The following LRPPRC variants were observed in gnomAD, a reference collection of about 807,000 sequenced individuals.
The protein encoded by LRPPRC is leucine-rich PPR motif-containing protein, mitochondrial.
Under a neutral mutation model 180.3 loss-of-function variants are expected in LRPPRC, and 120 were observed. The ratio of observed to expected loss-of-function variants is 0.67; its 90% CI spans 0.57 to 0.77. The LOEUF (loss-of-function observed/expected upper bound fraction) is 0.77. LRPPRC is among the 30% of genes least tolerant of loss of function. The pLI, the probability that LRPPRC is intolerant of heterozygous loss-of-function variation, is 0.00. For missense variants in LRPPRC, 2,012 were observed against 1,657.2 expected, an observed-to-expected ratio of 1.21 and a Z score of -3.72; for synonymous variants, 723 against 600.0, an observed-to-expected ratio of 1.21 and a Z score of -3.00.
chr2:43,897,032 T>C lies in LRPPRC; in HGVS notation c.3826-324A>G, dbSNP rs537347670. The stretch of plus-strand genomic sequence containing the variant: ...AGGAAAAAAAGAAACATTATTCCTC[T>C]CCAATTATACTGCCAAGCATTCACA... On this transcript the variant is annotated intron_variant, in intron 34 of 37. Coordinates refer to ENST00000260665, the MANE Select transcript of LRPPRC (RefSeq NM_133259.4). 6.6e-5 allele frequency among the ~76,000 whole-genome samples: 10 copies of C among 152,288 alleles called. No homozygotes were observed. The South Asian group carries it at 1.7e-3, about 25-fold the overall frequency.
In LRPPRC at chr2:43,899,461, C is replaced by G. The variant is rs748820058; in HGVS notation, c.3709+5G>C. ...TGTGTTCTTTAGCACAAACAACTAA[C>G]TTACTCTTTTCAACTGCTGGTTCCA... On this transcript the variant is annotated splice_donor_5th_base_variant and intron_variant, in intron 33 of 37. Transcript: ENST00000260665. 6.2e-7 allele frequency: 1 copy of G among 1,614,180 alleles called. No homozygotes were observed. Among genetic ancestry groups the G allele is most frequent in the African/African-American group, 1.3e-5 (1 of 75,052 alleles).
intron 23 of LRPPRC, among the ~76,000 whole-genome samples, chr2:43,940,601 G>A (rs1209931290): frequency 6.6e-6 from 1 of 152,140 alleles, no homozygotes; most frequent in Non-Finnish European, 1.5e-5. Context: ...AATTAAAGCT[G>A]CTTTGATCAC....
At chr2:43,991,852 G>A (rs898462733) in intron 1 of LRPPRC, among the ~76,000 whole-genome samples, 1 of 152,150 alleles carries the variant, frequency 6.6e-6, no homozygotes, top group Admixed American at 6.5e-5. Flanking sequence ...TCAAGCTCAG[G>A]GTGAATTTGT....
chr2:43,981,866 G>T (rs1179279736), intron 2 of LRPPRC, among the ~76,000 whole-genome samples: 2 of 151,692 alleles, frequency 1.3e-5, no homozygotes, highest in Non-Finnish European at 2.9e-5. Flanking sequence ...TATGTTTAAT[G>T]GCAAAAACTG....
chr2:43,921,786 C>G (rs1322328665), intron 27 of LRPPRC, among the ~76,000 whole-genome samples: 1 of 151,884 alleles, frequency 6.6e-6, no homozygotes, highest in Non-Finnish European at 1.5e-5. Context: ...AAAAGCCATA[C>G]AATATGAAAA....
rs79899418 is a variant in LRPPRC at position 43,901,861 on chromosome 2, T to G, written c.3365-337A>C. On this transcript the variant is annotated intron_variant, in intron 31 of 37. Transcript: ENST00000260665. ...ACAAATAAGAAAGATTTTCTAGAGT[T>G]TCCAAAAATGTGTGACTTCTATCCA... The G allele has an allele frequency of 6.1e-3, 1,483 of 241,336 alleles. 21 individuals carry two copies. The highest frequency in any genetic ancestry group is 0.032 in the African/African-American group (1,376 of 43,426). 14.9% of individuals were successfully genotyped at this position (241,336 alleles called of 1,614,324 possible).
intron 14 of LRPPRC, among the ~76,000 whole-genome samples, chr2:43,951,146 G>A (rs760690169): frequency 6.6e-6 from 1 of 152,186 alleles, no homozygotes. Flanking sequence ...CACCTGGACC[G>A]GGTGATCAAA....
intron 5 of LRPPRC, 41 bp downstream of exon 5, chr2:43,976,953 T>C (rs776253364): frequency 1.3e-6 from 2 of 1,511,024 alleles, no homozygotes; most frequent in African/African-American, 2.7e-5. Flanking sequence ...TTACAAAATG[T>C]ACAAATTTGT....
chr2:43,908,732 G>T (rs1671150504), intron 30 of LRPPRC, among the ~76,000 whole-genome samples: 1 of 152,080 alleles, frequency 6.6e-6, no homozygotes. Flanking sequence ...TCACCAAGTT[G>T]GCCAGGCTGG....
At chr2:43,937,788 G>A (rs1672327965) in intron 23 of LRPPRC, among the ~76,000 whole-genome samples, 1 of 152,106 alleles carries the variant, frequency 6.6e-6, no homozygotes, top group Non-Finnish European at 1.5e-5. Context: ...ATCATCAGGT[G>A]AAAATACCAC....
chr2:43,974,728 G>A lies in LRPPRC; in HGVS notation c.895C>T (p.His299Tyr). Reference sequence around the variant, plus strand: ...TGCAGTAAATCACGGTCCATAAGGTGAAGCTCGGACTTCTCCACCTTCTCC... The same window carrying A: ...TGCAGTAAATCACGGTCCATAAGGTAAAGCTCGGACTTCTCCACCTTCTCC... ...TLEKVEKSEL[H>Y]LMDRDLLQII... is the part of the protein sequence containing the mutation. Residue 299 changes from histidine to tyrosine, a missense_variant, in exon 8 of 38, where the codon CAC becomes TAC. Coordinates refer to ENST00000260665, the MANE Select transcript of LRPPRC (RefSeq NM_133259.4). 1 of 1,613,642 alleles carries A rather than the reference G, an allele frequency of 6.2e-7. No homozygotes were observed.
chr2:43,923,399 G>A (rs1392275162), intron 27 of LRPPRC, among the ~76,000 whole-genome samples: 2 of 152,134 alleles, frequency 1.3e-5, no homozygotes, highest in Admixed American at 6.5e-5. Context: ...GGCTGAGGTG[G>A]GAGGATTTCT....
At chr2:43,945,716 G>A (rs1672656343) in intron 21 of LRPPRC, among the ~76,000 whole-genome samples, 1 of 152,030 alleles carries the variant, frequency 6.6e-6, no homozygotes, top group African/African-American at 2.4e-5. Flanking sequence ...ACGAATACTT[G>A]ACATTTTTAC....
At chr2:43,946,075 T>C (rs566230388) in intron 21 of LRPPRC, 38 bp downstream of exon 21, 6 of 1,601,866 alleles carry the variant, frequency 3.7e-6, no homozygotes, top group Non-Finnish European at 5.1e-6. Flanking sequence ...TAGAGCAGAA[T>C]AAATGTTGAC....
At chr2:43,985,442 A>G (rs150592103) in intron 1 of LRPPRC, among the ~76,000 whole-genome samples, 1 of 152,212 alleles carries the variant, frequency 6.6e-6, no homozygotes, top group East Asian at 1.9e-4. Flanking sequence ...AGTATCATAC[A>G]AAATAATTTC....
chr2:43,969,666 A>G (rs1275974666), intron 11 of LRPPRC, among the ~76,000 whole-genome samples: 1 of 152,050 alleles, frequency 6.6e-6, no homozygotes, highest in East Asian at 1.9e-4. Context: ...TAAAACTACT[A>G]AATAACTGGG....
At chr2:43,995,637 G>T (rs907588094) in intron 1 of LRPPRC, 162 bp downstream of exon 1, 23 of 650,188 alleles carry the variant, frequency 3.5e-5, no homozygotes, top group Non-Finnish European at 5.2e-5. Context: ...CCTGTCACCC[G>T]AAAACCCCTG....
chr2:43,991,032 AT>A (rs35612386), intron 1 of LRPPRC, among the ~76,000 whole-genome samples: 357 of 129,614 alleles, frequency 2.8e-3, no homozygotes, highest in African/African-American at 4.6e-3. Flanking sequence ...AGATACTTTT[AT>A]TTTTTTTTTT....
chr2:43,934,715 G>GA lies in LRPPRC; in HGVS notation c.2629+38dup, dbSNP rs143170527. On this transcript the variant is annotated intron_variant, in intron 24 of 37. Coordinates refer to ENST00000260665, the MANE Select transcript of LRPPRC (RefSeq NM_133259.4). ...CACTAAGATTAAATCAGCAAGAAGG[G>GA]AAAAAAAAACTACATTAAGATACTA... 0.15 allele frequency: 240,068 copies of GA among 1,554,426 alleles called. 17,015 individuals carry two copies. Among genetic ancestry groups the GA allele is most frequent in the African/African-American group, 0.34 (24,933 of 72,918 alleles).
Sources: allele counts gnomAD v4.1 joint callset (sites outside exome capture counted in the v4.1 genomes callset), GRCh38; gene constraint gnomAD v4.1.1; transcripts MANE v1.5; gene names NCBI Gene and HGNC (gene_info 2026-07-23, HGNC 2026-07-21).